Variants in SMARCC1 observed in about 807,000 individuals in gnomAD.
SMARCC1 encodes the protein SWI/SNF complex subunit SMARCC1.
In SMARCC1, 43 loss-of-function variants were observed where a neutral mutation model predicts 147.4. The observed-to-expected ratio is 0.29, with a 90% CI of 0.23 to 0.38. The LOEUF is 0.38. SMARCC1 is among the 10% of genes least tolerant of loss of function. The pLI is 1.00. For synonymous variants in SMARCC1, 495 were observed against 484.4 expected, an observed-to-expected ratio of 1.02 and a Z score of -0.29; for missense variants, 1,119 against 1,381.1, an observed-to-expected ratio of 0.81 and a Z score of 3.01.
chr3:47,736,105 T>C lies in SMARCC1; in HGVS notation c.505A>G (p.Asn169Asp), dbSNP rs2034440048. The change falls in exon 5 of 28, where the codon AAC becomes GAC. Residue 169 changes from asparagine to aspartate, a missense_variant. Transcript: ENST00000254480. ...LVQNNCLTRP[N>D]IYLIPDIDLK... ...TCAATGTCTGGAATGAGGTAGATGT[T>C]GGGTCTGGTCAAACAATTGTTCTGA... is the stretch of plus-strand genomic sequence containing the variant. 3 of 1,593,988 alleles carry C rather than the reference T, an allele frequency of 1.9e-6. No homozygotes were observed. The highest frequency in any genetic ancestry group is 2.6e-6 in the Non-Finnish European group (3 of 1,169,390).
chr3:47,766,887 T>C (rs914017401), intron 2 of SMARCC1, among the ~76,000 whole-genome samples: 2 of 152,088 alleles, frequency 1.3e-5, no homozygotes, highest in Non-Finnish European at 2.9e-5. Flanking sequence ...GAAGTTACTA[T>C]ATAAAGTTCC....
At chr3:47,702,065 G>GT (rs1394024487) in intron 10 of SMARCC1, among the ~76,000 whole-genome samples, 2 of 151,952 alleles carry the variant, frequency 1.3e-5, no homozygotes, top group Non-Finnish European at 2.9e-5. Flanking sequence ...TCAAAGATAC[G>GT]TACCATTGTG....
chr3:47,601,223 T>C (rs952368532), intron 26 of SMARCC1, among the ~76,000 whole-genome samples: 1 of 151,932 alleles, frequency 6.6e-6, no homozygotes, highest in Non-Finnish European at 1.5e-5. Flanking sequence ...CCTCATTCTC[T>C]CTCAGGTTTA....
At chr3:47,773,457 AAAGAATGTC>A (rs2034939548) in intron 1 of SMARCC1, among the ~76,000 whole-genome samples, 1 of 152,008 alleles carries the variant, frequency 6.6e-6, no homozygotes, top group Non-Finnish European at 1.5e-5. Context: ...ATATTAATGT[AAAGAATGTC>A]AAAAGCCCAA....
intron 14 of SMARCC1, among the ~76,000 whole-genome samples, chr3:47,681,006 C>T (rs957029183): frequency 1.3e-5 from 2 of 152,144 alleles, no homozygotes; most frequent in Non-Finnish European, 2.9e-5. Flanking sequence ...TTCTCACTCC[C>T]AGTACTTACT....
rs906920102 is a variant in SMARCC1, at chr3:47,710,822, A to T, written c.793-14T>A. On this transcript the variant is annotated splice_polypyrimidine_tract_variant and intron_variant, in intron 8 of 27. Coordinates refer to ENST00000254480, the MANE Select transcript of SMARCC1 (RefSeq NM_003074.4). ...TTTCACATGAACCTAAAACCATATC[A>T]AAGCATCAATATCTACATAAATAAC... The T allele has an allele frequency of 1.3e-6, 2 of 1,595,350 alleles. No individual in the cohort carries two copies. The highest frequency in any genetic ancestry group is 4.5e-5 in the East Asian group (2 of 44,432).
chr3:47,659,812 T>C (rs555880733), intron 21 of SMARCC1, among the ~76,000 whole-genome samples: 1 of 124,308 alleles, frequency 8.0e-6, no homozygotes, highest in Non-Finnish European at 1.6e-5. Flanking sequence ...GACATAAAAA[T>C]GGCCAATAAA....
intron 26 of SMARCC1, among the ~76,000 whole-genome samples, chr3:47,604,931 C>T (rs1396568034): frequency 4.6e-5 from 7 of 152,114 alleles, no homozygotes; most frequent in Admixed American, 4.6e-4. Context: ...GAATTCCTGG[C>T]CTCAAGTGGT....
intron 5 of SMARCC1, among the ~76,000 whole-genome samples, chr3:47,732,419 C>T (rs1337103309): frequency 6.6e-6 from 1 of 152,126 alleles, no homozygotes; most frequent in Non-Finnish European, 1.5e-5. Context: ...TTTTAATTTC[C>T]CTCAAAAACT....
intron 2 of SMARCC1, among the ~76,000 whole-genome samples, chr3:47,769,210 CAAAA>C (rs1553692338): frequency 6.0e-5 from 2 of 33,096 alleles, no homozygotes; most frequent in East Asian, 1.1e-3. Context: ...GACTCCGTCT[CAAAA>C]AAAAAAAAAA....
chr3:47,718,675 T>A (rs1215493337), intron 7 of SMARCC1, among the ~76,000 whole-genome samples: 2 of 151,638 alleles, frequency 1.3e-5, no homozygotes, highest in Non-Finnish European at 2.9e-5. Flanking sequence ...TAACCACATA[T>A]CAACTGTACC....
intron 6 of SMARCC1, among the ~76,000 whole-genome samples, chr3:47,726,061 C>CAAAAAAAAAAAAAAAAAAAAAA (rs546659321): frequency 2.0e-5 from 1 of 50,786 alleles, no homozygotes; most frequent in Non-Finnish European, 3.5e-5. Context: ...GACTCTGTCT[C>CAAAAAAAAAAAAAAAAAAAAAA]AAAAAAAAAA....
intron 3 of SMARCC1, 60 bp from the exon 4 acceptor site, chr3:47,738,170 T>C (rs2034467307): frequency 8.4e-7 from 1 of 1,185,834 alleles, no homozygotes; most frequent in Admixed American, 2.7e-5. Context: ...AATGAAAACT[T>C]GGTTTTAGAA....
chr3:47,714,415 C>T lies in SMARCC1; in HGVS notation c.792G>A (p.Lys264=), dbSNP rs1347297337. ...EDPPIPEKPW[K]VHVKWILDTD... ...AGATTTTTTTTGTTAAATCATTTAC[C>T]TTCCATGGTTTTTCTGGAATTGGTG... Residue 264 remains lysine, a splice_region_variant and synonymous_variant, in exon 8 of 28, where the codon AAG becomes AAA. Coordinates refer to ENST00000254480, the MANE Select transcript of SMARCC1 (RefSeq NM_003074.4). The T allele has an allele frequency of 1.9e-6, 3 of 1,557,094 alleles. No homozygotes were observed. Among genetic ancestry groups the T allele is most frequent in the Non-Finnish European group, 2.6e-6 (3 of 1,133,712 alleles).
chr3:47,684,799 ACC>A lies in SMARCC1; in HGVS notation c.1385+1248_1385+1249del, dbSNP rs1217185957. On this transcript the variant is annotated intron_variant, in intron 14 of 27. Transcript: ENST00000254480. ...ATATCTGTGGAGTTTGTGTTCCAAG[ACC>A]CCCAATGGATGCCTGAAACTGTGGA... Among the ~76,000 whole-genome samples the A allele has an allele frequency of 2.6e-5, 4 of 151,870 alleles. No individual in the cohort carries two copies. The East Asian group carries it at 7.7e-4, about 29-fold the overall frequency.
At chr3:47,651,285 C>CA (rs2033187283) in intron 21 of SMARCC1, among the ~76,000 whole-genome samples, 1 of 152,198 alleles carries the variant, frequency 6.6e-6, no homozygotes, top group African/African-American at 2.4e-5. Flanking sequence ...GTCTAGGCAA[C>CA]AGAGTGAAAC....
At chr3:47,740,197 TTTTTTTTTTTTTTTA>T (rs1462097016) in intron 3 of SMARCC1, among the ~76,000 whole-genome samples, 4 of 134,516 alleles carry the variant, frequency 3.0e-5, no homozygotes, top group Admixed American at 7.8e-5. Context: ...TTTTTTTTTT[TTTTTTTTTTTTTTTA>T]AAAGACAGAC....
chr3:47,719,160 C>T (rs926128647), intron 7 of SMARCC1, among the ~76,000 whole-genome samples: 5 of 151,822 alleles, frequency 3.3e-5, no homozygotes, highest in Non-Finnish European at 7.4e-5. Flanking sequence ...GTGATCCGCC[C>T]GCCTTGGCCT....
intron 21 of SMARCC1, among the ~76,000 whole-genome samples, chr3:47,657,838 CT>C (rs2033284588): frequency 6.6e-6 from 1 of 151,700 alleles, no homozygotes; most frequent in Admixed American, 6.6e-5. Flanking sequence ...TTACAAAGTA[CT>C]TGAGAAGAAT....
Sources: allele counts gnomAD v4.1 joint callset (sites outside exome capture counted in the v4.1 genomes callset), GRCh38; gene constraint gnomAD v4.1.1; transcripts MANE v1.5; gene names NCBI Gene and HGNC (gene_info 2026-07-23, HGNC 2026-07-21).